The following FAM193A variants were observed in gnomAD, a reference collection of about 807,000 sequenced individuals.
FAM193A encodes family with sequence similarity 193 member A, also known as protein FAM193A.
In FAM193A, 22 loss-of-function variants were observed where a neutral mutation model predicts 126.5. The observed-to-expected ratio is 0.17, with a 90% confidence interval of 0.12 to 0.25. The LOEUF is 0.25. Among genes scored for constraint, FAM193A ranks in the 10% least tolerant of loss-of-function variants. The probability of loss-of-function intolerance (pLI) is 1.00; values close to 1 mark genes in which losing one functional copy is unlikely to be tolerated. For missense variants in FAM193A, 1,675 were observed against 1,672.8 expected (o/e 1.00, Z -0.02); for synonymous variants, 761 against 646.8 (o/e 1.18, Z -2.68).
chr4:2,607,559 C>T (rs933465049), intron 2 of FAM193A, among the ~76,000 whole-genome samples: 1 of 152,200 alleles, frequency 6.6e-6, no homozygotes, highest in African/African-American at 2.4e-5. Context: ...TCTGCTGATA[C>T]ATATTTAACA....
chr4:2,542,017 AT>A lies in FAM193A; in HGVS notation c.255+4862del, dbSNP rs1258017085. Reference sequence around the variant, plus strand: ...AGGAGTGCACCACCACACCTGGCAAATTTTTTTTTTTTTTTCAAGACAGAGT... The same window carrying A: ...AGGAGTGCACCACCACACCTGGCAAATTTTTTTTTTTTTTCAAGACAGAGT... On this transcript the variant is annotated intron_variant, in intron 1 of 20. Coordinates refer to ENST00000637812, the MANE Select transcript of FAM193A (RefSeq NM_001366318.2). Among the ~76,000 whole-genome samples the A allele has an allele frequency of 3.6e-3, 504 of 138,876 alleles. 1 individual carries two copies. The highest frequency in any genetic ancestry group is 6.7e-3 in the East Asian group (32 of 4,792). 91.1% of individuals were successfully genotyped at this position (138,876 alleles called of 152,430 possible).
intron 1 of FAM193A, among the ~76,000 whole-genome samples, chr4:2,573,248 C>A (rs1000715329): frequency 2.0e-5 from 3 of 152,060 alleles, no homozygotes; most frequent in Admixed American, 1.3e-4. Flanking sequence ...TGCAGTGGCT[C>A]ACACCTGTAA....
intron 7 of FAM193A, among the ~76,000 whole-genome samples, chr4:2,652,478 C>T (rs1478010093): frequency 6.6e-6 from 1 of 152,150 alleles, no homozygotes; most frequent in Non-Finnish European, 1.5e-5. Context: ...GTGTAGGAAG[C>T]ATGGCTGGGA....
intron 1 of FAM193A, among the ~76,000 whole-genome samples, chr4:2,584,480 A>C (rs1262583935): frequency 6.6e-6 from 1 of 151,898 alleles, no homozygotes; most frequent in Non-Finnish European, 1.5e-5. Context: ...GTTAAATACT[A>C]TAAAAATGCA....
At chr4:2,608,439 T>A (rs1262740200) in intron 2 of FAM193A, among the ~76,000 whole-genome samples, 1 of 152,176 alleles carries the variant, frequency 6.6e-6, no homozygotes, top group Non-Finnish European at 1.5e-5. Flanking sequence ...TCGCCCTGGC[T>A]GGACCTCAGA....
intron 6 of FAM193A, among the ~76,000 whole-genome samples, chr4:2,640,209 G>A (rs1744476898): frequency 6.6e-6 from 1 of 152,110 alleles, no homozygotes; most frequent in Non-Finnish European, 1.5e-5. Flanking sequence ...AAATGGAGGA[G>A]GGAAGAGGCC....
In FAM193A at chr4:2,700,003, A is replaced by T. The variant is rs752279588; in HGVS notation, c.3831A>T (p.Pro1277=). ...TEEPETSSHS[P]SRHMNHSEPR... ...AACCAGAAACCTCTTCTCACTCCCC[A>T]TCCAGGCATATGAACCACTCAGAGC... The change falls in exon 19 of 21, where the codon CCA becomes CCT. Residue 1277 remains proline, a synonymous_variant. Coordinates refer to ENST00000637812, the MANE Select transcript of FAM193A (RefSeq NM_001366318.2). The T allele has an allele frequency of 1.9e-6, 3 of 1,613,648 alleles. No homozygotes were observed. In the African/African-American group the frequency reaches 4.0e-5, roughly 22 times the overall value.
At chr4:2,634,415 C>T (rs1226025032) in intron 5 of FAM193A, among the ~76,000 whole-genome samples, 1 of 152,022 alleles carries the variant, frequency 6.6e-6, no homozygotes, top group East Asian at 1.9e-4. Context: ...GAGCAGCTCA[C>T]AGTAAAAAAA....
Position 2,696,492 on chromosome 4 carries a change from C to G in FAM193A, c.3406C>G (p.His1136Asp). The change falls in exon 18 of 21, where the codon CAT (histidine) becomes GAT (aspartate). Residue 1136 changes from histidine to aspartate, a missense_variant. By Grantham distance (81) the His-to-Asp change is moderately conservative (BLOSUM62 -1). Transcript: ENST00000637812. ...QISERESVVD[H>D]RRVEDLLQFI... ...CTCAGAAAGGGAAAGCGTCGTTGAC[C>G]ATCGGAGGGTGGAGGATTTGTTGCA... The G allele has an allele frequency of 6.2e-7, 1 of 1,614,140 alleles. No individual in the cohort carries two copies. Among genetic ancestry groups the G allele is most frequent in the Non-Finnish European group, 8.5e-7 (1 of 1,180,006 alleles).
chr4:2,573,216 T>G (rs1370292554), intron 1 of FAM193A, among the ~76,000 whole-genome samples: 5 of 152,122 alleles, frequency 3.3e-5, no homozygotes, highest in African/African-American at 9.6e-5. Context: ...AATCTGTGTT[T>G]TAAGAAGCCC....
chr4:2,679,479 A>C (rs939916340), intron 13 of FAM193A, among the ~76,000 whole-genome samples: 2 of 140,386 alleles, frequency 1.4e-5, no homozygotes, highest in African/African-American at 2.7e-5. Context: ...TCCCGGGTTC[A>C]TGTGATTCTC....
At chr4:2,683,033 C>T (rs1715330920) in intron 13 of FAM193A, among the ~76,000 whole-genome samples, 1 of 152,188 alleles carries the variant, frequency 6.6e-6, no homozygotes, top group African/African-American at 2.4e-5. Flanking sequence ...TGGTGATGAG[C>T]TCCCTCAGTT....
chr4:2,581,542 C>G (rs1739942489), intron 1 of FAM193A, among the ~76,000 whole-genome samples: 1 of 152,100 alleles, frequency 6.6e-6, no homozygotes, highest in Non-Finnish European at 1.5e-5. Context: ...GCGTGAGCCA[C>G]CATGCCCAGC....
intron 19 of FAM193A, among the ~76,000 whole-genome samples, chr4:2,701,419 T>A (rs1377051011): frequency 1.3e-5 from 2 of 151,970 alleles, no homozygotes; most frequent in African/African-American, 4.8e-5. Context: ...TTTTGAAGAG[T>A]GCAGCGCATT....
intron 19 of FAM193A, among the ~76,000 whole-genome samples, chr4:2,709,382 T>TTG (rs1482341522): frequency 3.2e-4 from 48 of 152,110 alleles, no homozygotes; most frequent in Non-Finnish European, 5.7e-4. Context: ...TAGCTTTGAG[T>TTG]ATCAATATTA....
At chr4:2,575,157 C>T (rs185002728) in intron 1 of FAM193A, among the ~76,000 whole-genome samples, 1 of 152,188 alleles carries the variant, frequency 6.6e-6, no homozygotes, top group East Asian at 1.9e-4. Context: ...CGAAGGTGGC[C>T]GCGACACTTG....
chr4:2,596,324 C>G lies in FAM193A; in HGVS notation c.496C>G (p.Pro166Ala), dbSNP rs1220413718. Reference protein sequence around the residue: ...KEERHGGLDQPVSQDFLLHSS... With the variant: ...KEERHGGLDQAVSQDFLLHSS... ...GGAGAGGCATGGCGGCCTTGACCAG[C>G]CAGTGGTGAGTGGCTGCCAGCACAG... is the stretch of plus-strand genomic sequence containing the variant. Residue 166 changes from proline (P) to alanine (A), a missense_variant, in exon 2 of 21, where the codon CCA becomes GCA. Pro to Ala is a conservative substitution (Grantham distance 27). This residue lies in a region of FAM193A where 1,186 missense variants were observed against 1,109.2 expected (regional missense o/e 1.07). Coordinates refer to ENST00000637812, the MANE Select transcript of FAM193A (RefSeq NM_001366318.2). 2.1e-5 allele frequency: 15 copies of G among 701,704 alleles called. No homozygotes were observed. The highest frequency in any genetic ancestry group is 3.9e-5 in the Non-Finnish European group (15 of 384,546). The allele number at this position is 701,704 out of a possible 1,614,324, so 43.5% of individuals were successfully genotyped here. A position where few individuals can be genotyped will look rare whatever the true frequency, so the allele number is the denominator to read the frequency against.
chr4:2,633,754 G>A (rs771254687), intron 5 of FAM193A, among the ~76,000 whole-genome samples: 3 of 151,872 alleles, frequency 2.0e-5, no homozygotes, highest in Non-Finnish European at 2.9e-5. Flanking sequence ...TTAGCCTGGC[G>A]TGGTGGCACG....
chr4:2,554,166 C>T (rs536500764), intron 1 of FAM193A, among the ~76,000 whole-genome samples: 1 of 152,212 alleles, frequency 6.6e-6, no homozygotes, highest in African/African-American at 2.4e-5. Context: ...CTCACTGCAA[C>T]CTCTGCCTCC....
Sources: allele counts gnomAD v4.1 joint callset (sites outside exome capture counted in the v4.1 genomes callset), GRCh38; gene constraint gnomAD v4.1.1; regional missense constraint gnomAD v4.1.1; transcripts MANE v1.5; gene names NCBI Gene and HGNC (gene_info 2026-07-23, HGNC 2026-07-21).